Variants in MITF observed in about 807,000 individuals in gnomAD.
MITF encodes microphthalmia-associated transcription factor.
MITF carries 17 observed loss-of-function variants against 60.5 expected under a neutral mutation model. The observed-to-expected ratio is 0.28, with a 90% CI of 0.19 to 0.42. MITF has a LOEUF of 0.42. MITF is among the 10% of genes least tolerant of loss of function. The pLI, the probability that MITF is intolerant of heterozygous loss-of-function variation, is 1.00. For missense variants in MITF, 622 were observed against 683.5 expected, an observed-to-expected ratio of 0.91 and a Z score of 1.00; for synonymous variants, 260 against 248.5, an observed-to-expected ratio of 1.05 and a Z score of -0.43.
chr3:69,890,597 T>C (rs540277780), intron 2 of MITF, among the ~76,000 whole-genome samples: 2 of 152,302 alleles, frequency 1.3e-5, no homozygotes, highest in South Asian at 4.1e-4. Context: ...GTATGATTTT[T>C]ATTTGTGCTG....
At position 69,941,404 on chromosome 3, in the gene MITF, T is replaced by C. The variant is rs919999623; in HGVS notation, c.762+73T>C. ...GTTCTTTTCTTTTTTCTTAAACTTT[T>C]ATTTTATCTTTGTAACTGGTTCACT... On this transcript the variant is annotated intron_variant, in intron 5 of 9. Coordinates refer to ENST00000352241, the MANE Select transcript of MITF (RefSeq NM_001354604.2). The C allele has an allele frequency of 7.8e-6, 7 of 902,064 alleles. No individual in the cohort carries two copies. The South Asian group carries it at 1.0e-4, about 13-fold the overall frequency. 55.9% of individuals were successfully genotyped at this position (902,064 alleles called of 1,614,324 possible).
At chr3:69,861,567 G>A (rs1434550664) in intron 1 of MITF, among the ~76,000 whole-genome samples, 1 of 152,210 alleles carries the variant, frequency 6.6e-6, no homozygotes, top group Non-Finnish European at 1.5e-5. Flanking sequence ...AGGAGTTGCA[G>A]AGGAGAGAGA....
intron 2 of MITF, 120 bp downstream of exon 2, chr3:69,879,503 A>G: frequency 6.6e-7 from 1 of 1,507,506 alleles, no homozygotes; most frequent in Non-Finnish European, 9.0e-7. Flanking sequence ...ATATTTGAAA[A>G]CTCCAACTCC....
At chr3:69,766,394 T>G (rs1449076863) in intron 1 of MITF, among the ~76,000 whole-genome samples, 1 of 144,972 alleles carries the variant, frequency 6.9e-6, no homozygotes, top group Admixed American at 6.9e-5. Flanking sequence ...TTTTTTTTTT[T>G]TTTTTTTTTT....
chr3:69,838,923 G>C (rs1341692189), intron 1 of MITF, among the ~76,000 whole-genome samples: 1 of 152,140 alleles, frequency 6.6e-6, no homozygotes, highest in Non-Finnish European at 1.5e-5. Context: ...CAGTATGATT[G>C]AGCTGCAGCC....
chr3:69,759,677 A>T, intron 1 of MITF, among the ~76,000 whole-genome samples: 1 of 152,242 alleles, frequency 6.6e-6, no homozygotes, highest in East Asian at 1.9e-4. Flanking sequence ...CCTCTGGACT[A>T]AAAAGCTTAC....
At chr3:69,832,921 G>T (rs187142458) in intron 1 of MITF, among the ~76,000 whole-genome samples, 1 of 152,090 alleles carries the variant, frequency 6.6e-6, no homozygotes, top group African/African-American at 2.4e-5. Flanking sequence ...ACTGTATGTG[G>T]TTATATACCT....
intron 1 of MITF, among the ~76,000 whole-genome samples, chr3:69,873,451 C>T (rs560742445): frequency 9.2e-5 from 14 of 152,250 alleles, no homozygotes; most frequent in East Asian, 1.9e-4. Context: ...GCTGGTGGAA[C>T]GGACTGGTTG....
chr3:69,880,772 A>C (rs956145292), intron 2 of MITF, among the ~76,000 whole-genome samples: 2 of 152,038 alleles, frequency 1.3e-5, no homozygotes, highest in Non-Finnish European at 2.9e-5. Flanking sequence ...AGGTTATTTA[A>C]AATTGTATGA....
At chr3:69,751,973 T>G (rs1703956001) in intron 1 of MITF, 1 of 152,228 alleles carries the variant, frequency 6.6e-6, no homozygotes. Flanking sequence ...TCCCCTGTCA[T>G]TCTCTCGCTG....
chr3:69,952,436 G>A (rs551697286), intron 7 of MITF, among the ~76,000 whole-genome samples: 4 of 152,128 alleles, frequency 2.6e-5, no homozygotes, highest in South Asian at 2.1e-4. Context: ...TGTCTCCTAC[G>A]AATACTTTAA....
intron 1 of MITF, among the ~76,000 whole-genome samples, chr3:69,743,623 G>A (rs1044770219): frequency 1.3e-5 from 2 of 152,194 alleles, no homozygotes; most frequent in Non-Finnish European, 2.9e-5. Context: ...TGTGGGAAAA[G>A]GTTCCAATGA....
intron 2 of MITF, among the ~76,000 whole-genome samples, chr3:69,916,926 C>CTA (rs2065346731): frequency 6.6e-6 from 1 of 152,136 alleles, no homozygotes; most frequent in East Asian, 1.9e-4. Context: ...GCCAGTCTAC[C>CTA]ATTTTTAATA....
intron 9 of MITF, 67 bp downstream of exon 9, chr3:69,959,487 A>G: frequency 6.3e-7 from 1 of 1,579,582 alleles, no homozygotes; most frequent in Admixed American, 1.7e-5. Flanking sequence ...AAACAGGGAT[A>G]TAATGAGCCA....
rs576006297 is a variant in MITF at position 69,841,715 on chromosome 3, G to T, written c.105-37419G>T. The stretch of plus-strand genomic sequence containing the variant: ...AATGTTAAATGATTGAGTCAATTTG[G>T]CAGTACTTCTTTTCGTCTCTGAAAA... On this transcript the variant is annotated intron_variant, in intron 1 of 9. Coordinates refer to ENST00000352241, the MANE Select transcript of MITF (RefSeq NM_001354604.2). Among the ~76,000 whole-genome samples, 7 of 152,232 alleles carry T rather than the reference G, an allele frequency of 4.6e-5. No homozygotes were observed. The South Asian group carries it at 8.3e-4, about 18-fold the overall frequency.
intron 1 of MITF, among the ~76,000 whole-genome samples, chr3:69,761,771 T>C (rs1211104111): frequency 6.6e-6 from 1 of 152,224 alleles, no homozygotes; most frequent in African/African-American, 2.4e-5. Flanking sequence ...GATGGGATGG[T>C]GGATACTTAA....
intron 5 of MITF, among the ~76,000 whole-genome samples, chr3:69,944,424 A>G (rs1309193412): frequency 6.6e-6 from 1 of 152,140 alleles, no homozygotes; most frequent in Non-Finnish European, 1.5e-5. Flanking sequence ...CTCTGGGCAG[A>G]GTTGAATTAA....
Position 69,965,064 on chromosome 3 carries a change from A to G in MITF, c.1397A>G (p.Glu466Gly). Residue 466 changes from glutamate to glycine, a missense_variant, in exon 10 of 10, where the codon GAG becomes GGG. Glu to Gly is a moderately conservative substitution (Grantham distance 98, BLOSUM62 -2). Transcript: ENST00000352241. ...TFNNNLGTGT[E>G]ANQAYSVPTK... ...AACAACAACCTCGGAACTGGGACTG[A>G]GGCCAACCAAGCCTATAGTGTCCCC... The G allele has an allele frequency of 6.2e-7, 1 of 1,614,150 alleles. No homozygotes were observed. The highest frequency in any genetic ancestry group is 8.5e-7 in the Non-Finnish European group (1 of 1,180,022).
chr3:69,893,010 T>C (rs2064793506), intron 2 of MITF, among the ~76,000 whole-genome samples: 2 of 152,190 alleles, frequency 1.3e-5, no homozygotes, highest in Admixed American at 1.3e-4. Flanking sequence ...AAAGATCAAC[T>C]CTTTCTGATG....
Sources: gnomAD v4.1 joint callset for allele counts (sites outside exome capture counted in the v4.1 genomes callset) on GRCh38, gnomAD v4.1.1 for gene constraint, MANE v1.5 for transcripts, NCBI Gene and HGNC (gene_info 2026-07-23, HGNC 2026-07-21) for gene names.